Variants in GDPD4 observed in about 807,000 individuals in gnomAD.
The protein encoded by GDPD4 is glycerophosphodiester phosphodiesterase 6.
GDPD4 carries 60 observed loss-of-function variants against 67.8 expected under a neutral mutation model. The ratio of observed to expected loss-of-function variants is 0.88; its 90% confidence interval spans 0.72 to 1.10. The LOEUF is 1.10. Ranked by LOEUF, GDPD4 falls within the 50% of genes least tolerant of loss-of-function variation. The probability of loss-of-function intolerance (pLI) is 0.00; values close to 1 mark genes in which losing one functional copy is unlikely to be tolerated. For synonymous variants in GDPD4, 212 were observed against 210.9 expected (o/e 1.00, Z -0.04); for missense variants, 623 against 613.9 (o/e 1.01, Z -0.16).
intron 11 of GDPD4, among the ~76,000 whole-genome samples, chr11:77,254,180 G>GCTA (rs71272230): frequency 0.011 from 1,646 of 152,288 alleles, 11 homozygotes; most frequent in Non-Finnish European, 0.016. Flanking sequence ...CCTCTAGGTA[G>GCTA]CTACCCCAGC....
intron 13 of GDPD4, among the ~76,000 whole-genome samples, chr11:77,241,445 G>C (rs996720985): frequency 2.6e-5 from 4 of 151,800 alleles, no homozygotes; most frequent in Non-Finnish European, 4.4e-5. Flanking sequence ...TGGAGGTGAG[G>C]AAACTGCTTG....
At chr11:77,298,734 CA>C in intron 1 of GDPD4, among the ~76,000 whole-genome samples, 1 of 151,982 alleles carries the variant, frequency 6.6e-6, no homozygotes, top group East Asian at 1.9e-4. Context: ...GCTATGTTAA[CA>C]GAGATTCTTT....
At chr11:77,296,831 G>A (rs1055323722) in intron 1 of GDPD4, among the ~76,000 whole-genome samples, 3 of 151,172 alleles carry the variant, frequency 2.0e-5, no homozygotes, top group African/African-American at 2.4e-5. Flanking sequence ...AGGCCGAGGC[G>A]GGCAGATCAC....
At chr11:77,265,311 T>C (rs1959173299) in intron 10 of GDPD4, among the ~76,000 whole-genome samples, 1 of 152,166 alleles carries the variant, frequency 6.6e-6, no homozygotes, top group Non-Finnish European at 1.5e-5. Flanking sequence ...GACCACTCTT[T>C]GGAGGAATGC....
At chr11:77,232,471 A>G (rs1958472615) in intron 14 of GDPD4, among the ~76,000 whole-genome samples, 1 of 152,218 alleles carries the variant, frequency 6.6e-6, no homozygotes, top group Non-Finnish European at 1.5e-5. Flanking sequence ...CCAGGTCTTC[A>G]GGTTCTCAAG....
At chr11:77,219,853 G>A (rs1340768668) in intron 16 of GDPD4, among the ~76,000 whole-genome samples, 3 of 152,100 alleles carry the variant, frequency 2.0e-5, no homozygotes, top group East Asian at 1.9e-4. Flanking sequence ...GATTGTCTTG[G>A]CAATGCCTTG....
At chr11:77,265,050 C>T (rs1959172001) in intron 10 of GDPD4, among the ~76,000 whole-genome samples, 1 of 152,020 alleles carries the variant, frequency 6.6e-6, no homozygotes, top group African/African-American at 2.4e-5. Context: ...CATTTTCTTC[C>T]CTCTTCTTAC....
chr11:77,245,180 T>C, intron 12 of GDPD4, 101 bp downstream of exon 12: 1 of 805,504 alleles, frequency 1.2e-6, no homozygotes, highest in Non-Finnish European at 2.1e-6. Flanking sequence ...TACTTAAGGA[T>C]CCCAGGGTAG....
intron 16 of GDPD4, among the ~76,000 whole-genome samples, chr11:77,223,811 A>G (rs1958273785): frequency 6.6e-6 from 1 of 152,194 alleles, no homozygotes; most frequent in African/African-American, 2.4e-5. Context: ...GGTGGAGTCT[A>G]CAGAGGCAGG....
intron 5 of GDPD4, among the ~76,000 whole-genome samples, chr11:77,273,270 A>G (rs1959301149): frequency 6.6e-6 from 1 of 152,174 alleles, no homozygotes; most frequent in Admixed American, 6.5e-5. Context: ...TCTGAGTACA[A>G]TAAAATGAAA....
intron 11 of GDPD4, among the ~76,000 whole-genome samples, chr11:77,252,038 G>GTTTGTT (rs1565523117): frequency 1.0e-4 from 14 of 136,936 alleles, no homozygotes; most frequent in South Asian, 2.5e-4. Flanking sequence ...GTCCATTTGG[G>GTTTGTT]TTTTTTTGTT....
chr11:77,223,161 C>CA (rs959365472), intron 16 of GDPD4, among the ~76,000 whole-genome samples: 37 of 152,332 alleles, frequency 2.4e-4, no homozygotes, highest in African/African-American at 7.2e-4. Context: ...TGGGTTCGAA[C>CA]ATCCTCCTTT....
chr11:77,227,736 C>G, intron 16 of GDPD4, 128 bp downstream of exon 16: 2 of 504,752 alleles, frequency 4.0e-6, no homozygotes, highest in Non-Finnish European at 7.8e-6. Context: ...CCTGGTCCCT[C>G]CCCCAACCCC....
chr11:77,272,854 G>T (rs112228956), intron 5 of GDPD4, among the ~76,000 whole-genome samples: 1 of 151,836 alleles, frequency 6.6e-6, no homozygotes. Flanking sequence ...TTCCTCTCCC[G>T]TATTAGTATA....
intron 16 of GDPD4, among the ~76,000 whole-genome samples, chr11:77,226,641 G>A (rs892832570): frequency 1.3e-5 from 2 of 152,188 alleles, no homozygotes; most frequent in African/African-American, 2.4e-5. Flanking sequence ...GGCAGCCCTA[G>A]CTTACTAAGG....
At chr11:77,271,966 C>A (rs1344974181) in intron 5 of GDPD4, among the ~76,000 whole-genome samples, 1 of 152,184 alleles carries the variant, frequency 6.6e-6, no homozygotes, top group Non-Finnish European at 1.5e-5. Flanking sequence ...CCTGCCAGAA[C>A]ACTGTATACT....
At chr11:77,231,856 T>A (rs66540426) in intron 14 of GDPD4, among the ~76,000 whole-genome samples, 29,291 of 152,176 alleles carry the variant, frequency 0.19, 3,754 homozygotes, top group Non-Finnish European at 0.27. Flanking sequence ...CCACCTGTGC[T>A]GAGTGACCTG....
intron 16 of GDPD4, among the ~76,000 whole-genome samples, chr11:77,225,458 C>T (rs186178255): frequency 6.6e-6 from 1 of 152,194 alleles, no homozygotes; most frequent in Non-Finnish European, 1.5e-5. Context: ...TATACTCTGA[C>T]AGATCTAAGA....
At position 77,275,423 on chromosome 11, in the gene GDPD4, G is replaced by A. The variant is rs111729776; in HGVS notation, c.207+738C>T. 3.3e-3 allele frequency among the ~76,000 whole-genome samples: 509 copies of A among 152,242 alleles called. 1 individual carries two copies. Among genetic ancestry groups the A allele is most frequent in the African/African-American group, 0.011 (473 of 41,540 alleles). On this transcript the variant is annotated intron_variant, in intron 5 of 16. Coordinates refer to ENST00000315938, the MANE Select transcript of GDPD4 (RefSeq NM_182833.3). ...TTTTAAAGATATCCAAACCCAAGACGGGGTAAAAAGGACTTCAAAAAAGAA... is the reference window on the plus strand; with the variant it reads ...TTTTAAAGATATCCAAACCCAAGACAGGGTAAAAAGGACTTCAAAAAAGAA...
Sources: gnomAD v4.1 joint callset for allele counts (sites outside exome capture counted in the v4.1 genomes callset) on GRCh38, gnomAD v4.1.1 for gene constraint, MANE v1.5 for transcripts, NCBI Gene and HGNC (gene_info 2026-07-23, HGNC 2026-07-21) for gene names.